Variants in OPRM1 observed in about 807,000 individuals in gnomAD.
The protein encoded by OPRM1 is opioid receptor mu 1, also known as mu-type opioid receptor.
In OPRM1, 27 loss-of-function variants were observed where a neutral mutation model predicts 31.8. The ratio of observed to expected loss-of-function variants is 0.85; its 90% CI spans 0.63 to 1.17. The LOEUF (loss-of-function observed/expected upper bound fraction) is 1.17, where lower values mean the gene tolerates loss of function less well. Ranked by LOEUF, OPRM1 falls within the 50% of genes most tolerant of loss-of-function variation. The pLI is 0.00. For missense variants in OPRM1, 536 were observed against 511.1 expected (o/e 1.05, Z -0.47); for synonymous variants, 196 against 189.9 (o/e 1.03, Z -0.26).
chr6:154,207,591 C>T (rs544531869), intron 3 of OPRM1, among the ~76,000 whole-genome samples: 19 of 151,642 alleles, frequency 1.3e-4, no homozygotes, highest in South Asian at 2.1e-4. Context: ...TCTGTAAAGA[C>T]GGGGTTTCAC....
At chr6:154,148,762 G>A (rs1475301218) in intron 3 of OPRM1, among the ~76,000 whole-genome samples, 2 of 152,116 alleles carry the variant, frequency 1.3e-5, no homozygotes, top group East Asian at 1.9e-4. Context: ...TCTGCCCCGT[G>A]GAAGGCTTTC....
At chr6:154,166,379 T>A (rs1047392158) in intron 3 of OPRM1, among the ~76,000 whole-genome samples, 2 of 152,222 alleles carry the variant, frequency 1.3e-5, no homozygotes, top group African/African-American at 4.8e-5. Context: ...TTTCTCCTTC[T>A]ACTAATGACT....
chr6:154,155,108 G>A (rs1798659458), intron 3 of OPRM1: 1 of 152,132 alleles, frequency 6.6e-6, no homozygotes, highest in Non-Finnish European at 1.5e-5. Flanking sequence ...GAGATGTGCT[G>A]AAGAGGCAAG....
At chr6:154,059,600 G>A (rs193187247) in intron 1 of OPRM1, among the ~76,000 whole-genome samples, 5 of 152,006 alleles carry the variant, frequency 3.3e-5, no homozygotes, top group East Asian at 1.9e-4. Context: ...AAAAAATTCC[G>A]GTTTTAAGAA....
At chr6:154,072,705 T>C (rs1198091278) in intron 1 of OPRM1, among the ~76,000 whole-genome samples, 1 of 152,246 alleles carries the variant, frequency 6.6e-6, no homozygotes, top group South Asian at 2.1e-4. Context: ...TATTAAAGGT[T>C]ATTCCTGTTT....
intron 3 of OPRM1, among the ~76,000 whole-genome samples, chr6:154,194,215 C>T (rs563213015): frequency 2.0e-5 from 3 of 152,286 alleles, no homozygotes; most frequent in East Asian, 1.9e-4. Context: ...GCCTGACCAA[C>T]GTGGTGAAAC....
At chr6:154,159,571 G>A (rs924101051) in intron 3 of OPRM1, 57 of 483,072 alleles carry the variant, frequency 1.2e-4, no homozygotes, top group African/African-American at 1.4e-4. Context: ...CCACATCACC[G>A]TGAGCTCCCA....
chr6:154,151,279 G>A (rs1033771139), intron 3 of OPRM1, among the ~76,000 whole-genome samples: 1 of 152,216 alleles, frequency 6.6e-6, no homozygotes, highest in Admixed American at 6.5e-5. Flanking sequence ...GGGAGTGAGG[G>A]AAGCAAGATA....
chr6:154,014,398 A>T (rs900810143), intron 1 of OPRM1, among the ~76,000 whole-genome samples: 2 of 152,202 alleles, frequency 1.3e-5, no homozygotes, highest in African/African-American at 4.8e-5. Flanking sequence ...ACAATGGACA[A>T]AAAGCTGAGC....
At chr6:154,068,586 T>A (rs1562422813) in intron 1 of OPRM1, among the ~76,000 whole-genome samples, 1 of 152,186 alleles carries the variant, frequency 6.6e-6, no homozygotes, top group Non-Finnish European at 1.5e-5. Context: ...TATACCACAT[T>A]TTCTTTATCC....
At chr6:154,069,314 C>T (rs1296806318) in intron 1 of OPRM1, among the ~76,000 whole-genome samples, 3 of 152,168 alleles carry the variant, frequency 2.0e-5, no homozygotes, top group African/African-American at 7.2e-5. Flanking sequence ...TCTTGGCTTA[C>T]TGCAACCTCC....
At chr6:154,218,593 C>CAGTA (rs1778604611) in intron 3 of OPRM1, among the ~76,000 whole-genome samples, 2 of 152,174 alleles carry the variant, frequency 1.3e-5, no homozygotes, top group Non-Finnish European at 2.9e-5. Flanking sequence ...CCGGCTGCAT[C>CAGTA]AGTAAGAAGG....
chr6:154,013,713 G>A (rs1777851879), intron 1 of OPRM1, among the ~76,000 whole-genome samples: 1 of 152,076 alleles, frequency 6.6e-6, no homozygotes, highest in Non-Finnish European at 1.5e-5. Context: ...TGTTGGCGGG[G>A]GTTGGCTGAC....
intron 3 of OPRM1, among the ~76,000 whole-genome samples, chr6:154,179,982 GT>G (rs1699347156): frequency 6.6e-6 from 1 of 152,126 alleles, no homozygotes; most frequent in Non-Finnish European, 1.5e-5. Flanking sequence ...CATACTTTGA[GT>G]AGCAAGGCCA....
At chr6:154,222,057 G>T (rs756549940) in intron 3 of OPRM1, among the ~76,000 whole-genome samples, 1 of 152,102 alleles carries the variant, frequency 6.6e-6, no homozygotes, top group African/African-American at 2.4e-5. Context: ...ATATACAGAA[G>T]AATTTTTATA....
chr6:154,186,676 C>T (rs1459094894), intron 3 of OPRM1, among the ~76,000 whole-genome samples: 1 of 152,108 alleles, frequency 6.6e-6, no homozygotes, highest in Non-Finnish European at 1.5e-5. Context: ...CCTGCCTCAG[C>T]CTCCCGAGTA....
intron 1 of OPRM1, among the ~76,000 whole-genome samples, chr6:154,063,860 T>C (rs1784855559): frequency 6.6e-6 from 1 of 152,240 alleles, no homozygotes; most frequent in African/African-American, 2.4e-5. Context: ...GAATAACATT[T>C]CATTGTATGT....
chr6:154,100,133 T>TATAATATATTATCATATTATGACATATC (rs1794507098), intron 3 of OPRM1, among the ~76,000 whole-genome samples: 1 of 20,862 alleles, frequency 4.8e-5, no homozygotes, highest in Non-Finnish European at 9.0e-5. Context: ...TATTATGACA[T>TATAATATATTATCATATTATGACATATC]ATAATATATA....
At chr6:154,194,705 TA>T (rs1005496247) in intron 3 of OPRM1, among the ~76,000 whole-genome samples, 1 of 152,186 alleles carries the variant, frequency 6.6e-6, no homozygotes, top group African/African-American at 2.4e-5. Flanking sequence ...AAAGGTAATG[TA>T]AAATCTAAGT....
Sources: gnomAD v4.1 joint callset for allele counts (sites outside exome capture counted in the v4.1 genomes callset) on GRCh38, gnomAD v4.1.1 for gene constraint, MANE v1.5 for transcripts, NCBI Gene and HGNC (gene_info 2026-07-23, HGNC 2026-07-21) for gene names.